The following LRP1B variants were observed in gnomAD, a reference collection of about 807,000 sequenced individuals.
LRP1B encodes LDL receptor related protein 1B.
A neutral mutation model predicts 556.6 loss-of-function variants in LRP1B; 217 were observed. That is an observed-to-expected ratio of 0.39 (90% confidence interval 0.35 to 0.44). LRP1B has a LOEUF of 0.44. Ranked by LOEUF, LRP1B falls within the 20% of genes least tolerant of loss-of-function variation. The pLI, the probability that LRP1B is intolerant of heterozygous loss-of-function variation, is 1.00. For synonymous variants in LRP1B, 2,047 were observed against 1,865.8 expected (o/e 1.10, Z -2.50); for missense variants, 5,053 against 5,620.8 (o/e 0.90, Z 3.23).
chr2:141,722,735 T>C (rs1438559192), intron 2 of LRP1B, among the ~76,000 whole-genome samples: 3 of 140,648 alleles, frequency 2.1e-5, no homozygotes, highest in Non-Finnish European at 4.7e-5. Flanking sequence ...GATACATAGA[T>C]AGATAGATAG....
intron 7 of LRP1B, among the ~76,000 whole-genome samples, chr2:141,083,664 A>G (rs1485144840): frequency 6.6e-6 from 1 of 152,140 alleles, no homozygotes; most frequent in Non-Finnish European, 1.5e-5. Context: ...GGATTAACGG[A>G]TTAATAGGTT....
intron 23 of LRP1B, among the ~76,000 whole-genome samples, chr2:140,890,782 C>A (rs1190855817): frequency 1.3e-5 from 2 of 151,908 alleles, no homozygotes; most frequent in Non-Finnish European, 2.9e-5. Flanking sequence ...AGTGGGAAAT[C>A]ATGAAGATAG....
chr2:140,671,092 T>C (rs900827983), intron 41 of LRP1B, among the ~76,000 whole-genome samples: 6 of 152,232 alleles, frequency 3.9e-5, no homozygotes, highest in African/African-American at 1.4e-4. Context: ...AAATTACCAC[T>C]GCTTTGGTAG....
chr2:140,415,437 C>A (rs1321280002), intron 66 of LRP1B, among the ~76,000 whole-genome samples: 5 of 152,156 alleles, frequency 3.3e-5, no homozygotes, highest in African/African-American at 1.2e-4. Flanking sequence ...TTAATAAAAA[C>A]TTGCTGGTTT....
chr2:141,475,065 A>G (rs6429889), intron 3 of LRP1B, among the ~76,000 whole-genome samples: 77,512 of 151,638 alleles, frequency 0.51, 20,001 homozygotes, highest in Non-Finnish European at 0.55. Context: ...TCATTCCCAC[A>G]GACATTTAAA....
intron 6 of LRP1B, among the ~76,000 whole-genome samples, chr2:141,190,789 A>T (rs1189682625): frequency 6.6e-6 from 1 of 152,002 alleles, no homozygotes; most frequent in African/African-American, 2.4e-5. Flanking sequence ...CTGACTAAAC[A>T]GAGTGACAAG....
chr2:141,449,109 C>CT (rs981345248), intron 3 of LRP1B, among the ~76,000 whole-genome samples: 3 of 152,120 alleles, frequency 2.0e-5, no homozygotes, highest in African/African-American at 7.2e-5. Flanking sequence ...CTGCCATTAC[C>CT]TTTTTTGTTA....
Position 141,049,139 on chromosome 2 carries a change from C to T in LRP1B, c.1636G>A (p.Asp546Asn), listed in dbSNP as rs1220828990. The T allele has an allele frequency of 1.9e-6, 3 of 1,613,462 alleles. No homozygotes were observed. In the African/African-American group the frequency reaches 4.0e-5, roughly 22 times the overall value. The change falls in exon 11 of 91, where the codon GAT (aspartate) becomes AAT (asparagine). Residue 546 changes from aspartate to asparagine, a missense_variant. Physicochemically the swap from Asp to Asn is conservative, Grantham distance 23. Around this residue, in one of 5 missense-constraint regions of LRP1B, gnomAD observed 3,619 missense variants for 3,931.9 expected, o/e 0.92. Transcript: ENST00000389484. ...RGMDLNTKIA[D>N]EYMIPIENLV... is the part of the protein sequence containing the mutation. ...TTTTCTATGGGGATCATGTATTCAT[C>T]AGCTATCTTGGTATTCAAGTCCATT...
At chr2:141,673,667 T>G (rs1400802865) in intron 2 of LRP1B, among the ~76,000 whole-genome samples, 3 of 152,118 alleles carry the variant, frequency 2.0e-5, no homozygotes, top group Admixed American at 1.3e-4. Flanking sequence ...ATAATAATAG[T>G]TTTTTAGATG....
intron 47 of LRP1B, 131 bp downstream of exon 47, chr2:140,533,890 C>G (rs769010824): frequency 1.1e-6 from 1 of 902,708 alleles, no homozygotes; most frequent in Non-Finnish European, 1.6e-6. Flanking sequence ...ATTCCAACAG[C>G]ATTTACCAAA....
At chr2:140,349,905 A>G (rs1388436740) in intron 77 of LRP1B, among the ~76,000 whole-genome samples, 1 of 152,152 alleles carries the variant, frequency 6.6e-6, no homozygotes. Flanking sequence ...ATTGCCATCT[A>G]CTGCTGATAA....
intron 25 of LRP1B, among the ~76,000 whole-genome samples, chr2:140,875,270 A>T (rs1053211601): frequency 6.6e-6 from 1 of 152,196 alleles, no homozygotes; most frequent in Non-Finnish European, 1.5e-5. Flanking sequence ...TAATCACTAA[A>T]GTCAAAGGCA....
At chr2:141,582,477 T>A (rs62166484) in intron 2 of LRP1B, among the ~76,000 whole-genome samples, 8,886 of 152,262 alleles carry the variant, frequency 0.058, 296 homozygotes, top group Non-Finnish European at 0.067. Flanking sequence ...GTCTGTAGAT[T>A]GATCGTTGAC....
intron 2 of LRP1B, among the ~76,000 whole-genome samples, chr2:141,612,669 A>G (rs1370062028): frequency 6.6e-6 from 1 of 152,146 alleles, no homozygotes; most frequent in African/African-American, 2.4e-5. Context: ...CATTTTCTGA[A>G]AGATTCTTCA....
intron 2 of LRP1B, among the ~76,000 whole-genome samples, chr2:141,624,728 T>C (rs996951535): frequency 1.3e-5 from 2 of 152,182 alleles, no homozygotes; most frequent in Admixed American, 6.5e-5. Flanking sequence ...TTTACAAATG[T>C]AACTCATGAA....
At chr2:140,641,821 T>G (rs537826204) in intron 41 of LRP1B, among the ~76,000 whole-genome samples, 2 of 152,212 alleles carry the variant, frequency 1.3e-5, no homozygotes, top group Non-Finnish European at 2.9e-5. Flanking sequence ...GTTTTTACTT[T>G]TAAAAATAGG....
chr2:141,256,233 G>T (rs1179055867), intron 3 of LRP1B, among the ~76,000 whole-genome samples: 2 of 151,986 alleles, frequency 1.3e-5, no homozygotes, highest in Middle Eastern at 3.4e-3. Context: ...ATGAGAGTTT[G>T]GATAGACAAA....
intron 41 of LRP1B, among the ~76,000 whole-genome samples, chr2:140,699,560 G>A (rs1347136586): frequency 9.9e-5 from 15 of 151,678 alleles, no homozygotes; most frequent in African/African-American, 3.6e-4. Context: ...GGAAGAATGG[G>A]AAATATATGG....
At chr2:141,330,568 G>A (rs895074771) in intron 3 of LRP1B, among the ~76,000 whole-genome samples, 1 of 152,038 alleles carries the variant, frequency 6.6e-6, no homozygotes, top group African/African-American at 2.4e-5. Flanking sequence ...CCTAACTCCA[G>A]ATAACATATT....
Sources: gnomAD v4.1 joint callset for allele counts (sites outside exome capture counted in the v4.1 genomes callset) on GRCh38, gnomAD v4.1.1 for gene constraint, gnomAD v4.1.1 regional missense constraint, MANE v1.5 for transcripts, NCBI Gene and HGNC (gene_info 2026-07-23, HGNC 2026-07-21) for gene names.